Variants in CSE1L observed in about 807,000 individuals in gnomAD.
The protein encoded by CSE1L is exportin-2.
CSE1L carries 24 observed loss-of-function variants against 120.4 expected under a neutral mutation model. The ratio of observed to expected loss-of-function variants is 0.20; its 90% CI spans 0.14 to 0.28. CSE1L has a LOEUF of 0.28. Among genes scored for constraint, CSE1L ranks in the 10% least tolerant of loss-of-function variants. CSE1L has a pLI of 1.00. For synonymous variants in CSE1L, 402 were observed against 398.3 expected (o/e 1.01, Z -0.11); for missense variants, 830 against 1,145.2 (o/e 0.72, Z 3.97).
intron 11 of CSE1L, 100 bp downstream of exon 11, chr20:49,074,950 GT>G (rs1264384120): frequency 1.2e-6 from 1 of 836,440 alleles, no homozygotes; most frequent in Non-Finnish European, 1.9e-6. Flanking sequence ...GAATAAGAGT[GT>G]TTTTTCAGCG....
intron 15 of CSE1L, 101 bp downstream of exon 15, chr20:49,084,263 A>G (rs2092036531): frequency 3.3e-6 from 4 of 1,202,890 alleles, no homozygotes; most frequent in South Asian, 3.4e-5. Flanking sequence ...TGGGAAAACA[A>G]ATGTCTGCTT....
chr20:49,065,703 C>T (rs900985860), intron 3 of CSE1L, among the ~76,000 whole-genome samples: 1 of 146,168 alleles, frequency 6.8e-6, no homozygotes, highest in Non-Finnish European at 1.5e-5. Context: ...AAGCAATTCT[C>T]CTGCTTCAGC....
chr20:49,058,424 A>G (rs1275971087), intron 1 of CSE1L, 29 bp from the exon 2 acceptor site: 6 of 1,457,772 alleles, frequency 4.1e-6, no homozygotes, highest in East Asian at 4.5e-5. Context: ...GTAAGTGACC[A>G]GTTATCCAAA....
intron 14 of CSE1L, among the ~76,000 whole-genome samples, chr20:49,078,870 A>C (rs1025441686): frequency 1.3e-5 from 2 of 152,188 alleles, no homozygotes; most frequent in Admixed American, 6.5e-5. Flanking sequence ...TAAGTCTCTT[A>C]ATTTACAATA....
In CSE1L at chr20:49,089,351, G is replaced by A; in HGVS notation, c.1926G>A (p.Glu642=). ...ANPAAVVNFE[E]ALFLVFTEIL... ...CTGCTGCTGTTGTAAATTTTGAGGAGGCTTTGTTTTTGGTGTTTACTGAAA... is the reference window on the plus strand; with the variant it reads ...CTGCTGCTGTTGTAAATTTTGAGGAAGCTTTGTTTTTGGTGTTTACTGAAA... Residue 642 remains glutamate (E), a synonymous_variant, in exon 18 of 25, where the codon GAG becomes GAA. Transcript: ENST00000262982. 6.2e-7 allele frequency: 1 copy of A among 1,612,826 alleles called. No homozygotes were observed. Among genetic ancestry groups the A allele is most frequent in the Non-Finnish European group, 8.5e-7 (1 of 1,179,726 alleles).
At chr20:49,054,778 C>G (rs1023358848) in intron 1 of CSE1L, among the ~76,000 whole-genome samples, 3 of 152,230 alleles carry the variant, frequency 2.0e-5, no homozygotes, top group Non-Finnish European at 2.9e-5. Flanking sequence ...AATCATGGCA[C>G]TCTTCAGCCA....
At chr20:49,061,982 CAT>C (rs1332472044) in intron 2 of CSE1L, among the ~76,000 whole-genome samples, 4 of 152,236 alleles carry the variant, frequency 2.6e-5, no homozygotes, top group African/African-American at 9.6e-5. Context: ...TGCGCAGAAA[CAT>C]ATGCATGTGA....
chr20:49,057,053 C>T (rs937361904), intron 1 of CSE1L, among the ~76,000 whole-genome samples: 3 of 152,088 alleles, frequency 2.0e-5, no homozygotes, highest in African/African-American at 4.8e-5. Context: ...GGGCTGGGCA[C>T]GGTGGCTCAC....
chr20:49,050,395 T>C (rs2091757384), intron 1 of CSE1L, among the ~76,000 whole-genome samples: 1 of 140,152 alleles, frequency 7.1e-6, no homozygotes, highest in African/African-American at 2.7e-5. Context: ...ATTTTTTTTT[T>C]TTTTTTTTTT....
In CSE1L at chr20:49,075,471, C is replaced by G. The variant is rs778061824; in HGVS notation, c.1286C>G (p.Ala429Gly). ...TCTGTCAACTGGAAACACAAAGATG[C>G]AGCCATCTACCTAGTGACATCTTTG... ...NPSVNWKHKD[A>G]AIYLVTSLAS... Residue 429 changes from alanine (A) to glycine (G), a missense_variant, in exon 12 of 25, where the codon GCA (alanine) becomes GGA (glycine). Coordinates refer to ENST00000262982, the MANE Select transcript of CSE1L (RefSeq NM_001316.4). The G allele has an allele frequency of 1.2e-6, 2 of 1,614,080 alleles. No individual in the cohort carries two copies. Among genetic ancestry groups the G allele is most frequent in the Non-Finnish European group, 8.5e-7 (1 of 1,180,002 alleles).
At chr20:49,065,818 T>C (rs2091888282) in intron 3 of CSE1L, among the ~76,000 whole-genome samples, 1 of 152,126 alleles carries the variant, frequency 6.6e-6, no homozygotes, top group South Asian at 2.1e-4. Context: ...GGTCTCAAAC[T>C]CCTGACCTCA....
intron 3 of CSE1L, among the ~76,000 whole-genome samples, 185 bp downstream of exon 3, chr20:49,063,529 CT>C (rs780437710): frequency 2.0e-4 from 30 of 152,232 alleles, no homozygotes; most frequent in South Asian, 1.0e-3. Flanking sequence ...GTACTCTAGC[CT>C]TTTAGTGACA....
intron 13 of CSE1L, among the ~76,000 whole-genome samples, chr20:49,077,898 G>A (rs2091981777): frequency 6.6e-6 from 1 of 152,108 alleles, no homozygotes; most frequent in Admixed American, 6.5e-5. Context: ...CAGCTATTTG[G>A]GAGGCTGAGG....
At position 49,062,081 on chromosome 20, in the gene CSE1L, A is replaced by C. The variant is rs2123680374; in HGVS notation, c.86-1121A>C. Reference sequence around the variant, plus strand: ...ATATTGATTACAATTTAGGAAAGAGACTTGGCAATTTATATGGGCTTTTCC... The same window carrying C: ...ATATTGATTACAATTTAGGAAAGAGCCTTGGCAATTTATATGGGCTTTTCC... On this transcript the variant is annotated intron_variant, in intron 2 of 24. Coordinates refer to ENST00000262982, the MANE Select transcript of CSE1L (RefSeq NM_001316.4). Among the ~76,000 whole-genome samples, 3 of 152,322 alleles carry C rather than the reference A, an allele frequency of 2.0e-5. No individual in the cohort carries two copies. In the Middle Eastern group the frequency reaches 0.01, roughly 518 times the overall value.
Position 49,094,666 on chromosome 20 carries a change from A to G in CSE1L, c.2595-66A>G, listed in dbSNP as rs1246814653. On this transcript the variant is annotated intron_variant, in intron 23 of 24. Coordinates refer to ENST00000262982, the MANE Select transcript of CSE1L (RefSeq NM_001316.4). ...GTCTGTAATTTTGTGTCTCTGAGCA[A>G]TTGCTGGTTTTAAGTCTTCCGAGTA... is the stretch of plus-strand genomic sequence containing the variant. 11 of 1,092,476 alleles carry G rather than the reference A, an allele frequency of 1.0e-5. No homozygotes were observed. The East Asian group carries it at 1.2e-4, about 12-fold the overall frequency. 67.7% of individuals were successfully genotyped at this position (1,092,476 alleles called of 1,614,324 possible). A position where few individuals can be genotyped will look rare whatever the true frequency, so the allele number is the denominator to read the frequency against.
intron 16 of CSE1L, among the ~76,000 whole-genome samples, chr20:49,087,084 G>A (rs2092064937): frequency 6.6e-6 from 1 of 152,104 alleles, no homozygotes; most frequent in Non-Finnish European, 1.5e-5. Flanking sequence ...GTTATTTGTG[G>A]AAAGAGAGCT....
At chr20:49,095,104 T>C in intron 24 of CSE1L, 141 bp downstream of exon 24, 1 of 724,738 alleles carries the variant, frequency 1.4e-6, no homozygotes, top group South Asian at 1.6e-5. Context: ...CTTATTTTCT[T>C]TAATTAAAAA....
rs573634682 is a variant in CSE1L, at chr20:49,079,403, T to C, written c.1482+781T>C. Among the ~76,000 whole-genome samples, 13 of 151,160 alleles carry C rather than the reference T, an allele frequency of 8.6e-5. No homozygotes were observed. The South Asian group carries it at 2.7e-3, about 32-fold the overall frequency. ...CACCACGCCTGGCTGATTTTTTGTA[T>C]TTTTAGTAGTGATGGGGTTTCCCCA... is the stretch of plus-strand genomic sequence containing the variant. On this transcript the variant is annotated intron_variant, in intron 14 of 24. Coordinates refer to ENST00000262982, the MANE Select transcript of CSE1L (RefSeq NM_001316.4).
chr20:49,046,865 G>A (rs183359733), intron 1 of CSE1L, among the ~76,000 whole-genome samples: 2 of 152,240 alleles, frequency 1.3e-5, no homozygotes, highest in East Asian at 3.9e-4. Flanking sequence ...GGCGAGGCCT[G>A]CCCGGGCGGG....
Sources: allele counts gnomAD v4.1 joint callset (sites outside exome capture counted in the v4.1 genomes callset), GRCh38; gene constraint gnomAD v4.1.1; transcripts MANE v1.5; gene names NCBI Gene and HGNC (gene_info 2026-07-23, HGNC 2026-07-21).